The following SYN3 variants were observed in gnomAD, a reference collection of about 807,000 sequenced individuals.
SYN3 encodes the protein synapsin-3.
SYN3 carries 35 observed loss-of-function variants against 65.8 expected under a neutral mutation model. The ratio of observed to expected loss-of-function variants is 0.53; its 90% CI spans 0.41 to 0.70. The LOEUF is 0.70. Ranked by LOEUF, SYN3 falls within the 30% of genes least tolerant of loss-of-function variation. The probability of loss-of-function intolerance (pLI) is 0.00; values close to 1 mark genes in which losing one functional copy is unlikely to be tolerated. For synonymous variants in SYN3, 270 were observed against 292.9 expected, an observed-to-expected ratio of 0.92 and a Z score of 0.80; for missense variants, 680 against 749.0, an observed-to-expected ratio of 0.91 and a Z score of 1.08.
At chr22:32,912,542 C>A (rs905041410) in intron 4 of SYN3, among the ~76,000 whole-genome samples, 2 of 151,746 alleles carry the variant, frequency 1.3e-5, no homozygotes, top group Non-Finnish European at 2.9e-5. Context: ...ATAGTGAGAC[C>A]CCCCCATCTC....
intron 6 of SYN3, among the ~76,000 whole-genome samples, chr22:32,691,425 T>A (rs1278715684): frequency 6.6e-6 from 1 of 152,134 alleles, no homozygotes; most frequent in Non-Finnish European, 1.5e-5. Flanking sequence ...TGCCTTTACT[T>A]TTCTGGGGAA....
intron 4 of SYN3, among the ~76,000 whole-genome samples, chr22:32,891,418 G>A (rs1323693966): frequency 6.6e-6 from 1 of 152,026 alleles, no homozygotes; most frequent in African/African-American, 2.4e-5. Flanking sequence ...TCACTTCTTT[G>A]TACTTTCCCA....
At chr22:33,017,475 G>A (rs1385461808) in intron 1 of SYN3, among the ~76,000 whole-genome samples, 1 of 152,118 alleles carries the variant, frequency 6.6e-6, no homozygotes, top group African/African-American at 2.4e-5. Context: ...TGGTTAGTAC[G>A]GACATATCAT....
chr22:32,939,272 A>T (rs573974279), intron 3 of SYN3, among the ~76,000 whole-genome samples: 4 of 152,344 alleles, frequency 2.6e-5, no homozygotes, highest in African/African-American at 9.6e-5. Context: ...TACTGCTGAA[A>T]GGTTCTCACA....
chr22:32,939,960 C>G (rs2050888982), intron 3 of SYN3, among the ~76,000 whole-genome samples: 1 of 152,176 alleles, frequency 6.6e-6, no homozygotes, highest in Non-Finnish European at 1.5e-5. Flanking sequence ...TGCCAATTTA[C>G]ATACCGTTAG....
chr22:32,872,421 A>C (rs2048873398), intron 4 of SYN3, among the ~76,000 whole-genome samples: 1 of 152,186 alleles, frequency 6.6e-6, no homozygotes, highest in African/African-American at 2.4e-5. Flanking sequence ...GTAGCCCCTT[A>C]TTACCAAGGG....
chr22:32,992,460 C>T (rs758153919), intron 2 of SYN3, among the ~76,000 whole-genome samples: 2 of 152,180 alleles, frequency 1.3e-5, no homozygotes, highest in African/African-American at 4.8e-5. Flanking sequence ...CAGGTGGGAG[C>T]GTCATGAAAC....
In SYN3 at chr22:32,510,729, C is replaced by T. The variant is rs2057681387; in HGVS notation, c.*2963G>A. On this transcript the variant is annotated 3_prime_UTR_variant, in exon 14 of 14. Transcript: ENST00000358763. Reference sequence around the variant, plus strand: ...AACAGGCTGCTCTTATAAGCAGTGCCCCAGATCCTTCTAATGGGGGAACCT... The same window carrying T: ...AACAGGCTGCTCTTATAAGCAGTGCTCCAGATCCTTCTAATGGGGGAACCT... 1.3e-5 allele frequency among the ~76,000 whole-genome samples: 2 copies of T among 152,096 alleles called. No homozygotes were observed. Among genetic ancestry groups the T allele is most frequent in the Admixed American group, 1.3e-4 (2 of 15,278 alleles).
At chr22:32,917,592 C>T (rs1299052140) in intron 4 of SYN3, among the ~76,000 whole-genome samples, 1 of 152,152 alleles carries the variant, frequency 6.6e-6, no homozygotes. Flanking sequence ...GAGTGGGACC[C>T]AGAGCTGGAG....
chr22:32,574,195 C>T (rs994715325), intron 7 of SYN3, among the ~76,000 whole-genome samples: 14 of 151,922 alleles, frequency 9.2e-5, no homozygotes, highest in African/African-American at 3.4e-4. Flanking sequence ...AAACCACCAT[C>T]GTGAGCCGGG....
chr22:32,549,108 C>T (rs1460046661), intron 7 of SYN3, among the ~76,000 whole-genome samples: 1 of 152,180 alleles, frequency 6.6e-6, no homozygotes, highest in Non-Finnish European at 1.5e-5. Context: ...TGCTGACCCA[C>T]ATGCTCCTCA....
At chr22:32,686,872 G>A (rs1021158286) in intron 6 of SYN3, among the ~76,000 whole-genome samples, 5 of 152,074 alleles carry the variant, frequency 3.3e-5, no homozygotes, top group African/African-American at 1.2e-4. Flanking sequence ...TGGGATTACA[G>A]GCGTGAACCA....
At chr22:32,514,842 C>T (rs2146049382) in intron 13 of SYN3, among the ~76,000 whole-genome samples, 1 of 152,258 alleles carries the variant, frequency 6.6e-6, no homozygotes, top group East Asian at 1.9e-4. Context: ...CGGTGAAACC[C>T]CGTCTCTACT....
intron 10 of SYN3, among the ~76,000 whole-genome samples, chr22:32,532,402 TC>T (rs2058090392): frequency 6.6e-6 from 1 of 152,290 alleles, no homozygotes. Context: ...AGGAGTCTGT[TC>T]CCAGCCCCTT....
At chr22:32,882,210 C>T (rs759868129) in intron 4 of SYN3, among the ~76,000 whole-genome samples, 1 of 152,114 alleles carries the variant, frequency 6.6e-6, no homozygotes, top group African/African-American at 2.4e-5. Context: ...CCCTGCCCAT[C>T]GGTCAGGTCA....
intron 6 of SYN3, among the ~76,000 whole-genome samples, chr22:32,603,514 CG>C (rs2044004405): frequency 1.4e-5 from 2 of 143,624 alleles, no homozygotes; most frequent in South Asian, 2.2e-4. Flanking sequence ...AGCGAGACTC[CG>C]AGACTCCGTC....
chr22:32,980,593 C>A, intron 3 of SYN3, 52 bp downstream of exon 3: 1 of 1,548,726 alleles, frequency 6.5e-7, no homozygotes, highest in South Asian at 1.1e-5. Flanking sequence ...AAGAACAGCC[C>A]CAGCGGCAGA....
At chr22:32,869,330 TTCTCTCTCTCTCTCTC>T (rs59752570) in intron 4 of SYN3, among the ~76,000 whole-genome samples, 38,841 of 121,010 alleles carry the variant, frequency 0.32, 5,417 homozygotes, top group Middle Eastern at 0.37. Context: ...ACTATATATA[TTCTCTCTCTCTCTCTC>T]TCTCTCTCTC....
At chr22:32,562,816 G>T (rs1166236367) in intron 7 of SYN3, among the ~76,000 whole-genome samples, 1 of 152,266 alleles carries the variant, frequency 6.6e-6, no homozygotes, top group African/African-American at 2.4e-5. Flanking sequence ...GTCTGCAGGT[G>T]ATTGGCCCAG....
Sources: gnomAD v4.1 joint callset for allele counts (sites outside exome capture counted in the v4.1 genomes callset) on GRCh38, gnomAD v4.1.1 for gene constraint, MANE v1.5 for transcripts, NCBI Gene and HGNC (gene_info 2026-07-23, HGNC 2026-07-21) for gene names.